The following LRRC49 variants were observed in gnomAD, a reference collection of about 807,000 sequenced individuals.
LRRC49 encodes the protein leucine-rich repeat-containing protein 49.
Under a neutral mutation model 83.3 loss-of-function variants are expected in LRRC49, and 50 were observed. The ratio of observed to expected loss-of-function variants is 0.60; its 90% CI spans 0.48 to 0.76. The LOEUF (loss-of-function observed/expected upper bound fraction) is 0.76. Ranked by LOEUF, LRRC49 falls within the 30% of genes least tolerant of loss-of-function variation. The pLI is 0.00. For missense variants in LRRC49, 704 were observed against 809.1 expected (o/e 0.87, Z 1.58); for synonymous variants, 286 against 283.3 (o/e 1.01, Z -0.10).
intron 11 of LRRC49, among the ~76,000 whole-genome samples, chr15:71,001,409 A>C (rs527450377): frequency 1.8e-4 from 28 of 152,266 alleles, no homozygotes; most frequent in Non-Finnish European, 1.9e-4. Flanking sequence ...ATCCTCCATC[A>C]TACTTACTGT....
chr15:70,867,255 G>C (rs1322954063), intron 1 of LRRC49, among the ~76,000 whole-genome samples: 1 of 152,102 alleles, frequency 6.6e-6, no homozygotes, highest in East Asian at 1.9e-4. Flanking sequence ...GCACCATGAA[G>C]TATCAAAAGA....
intron 11 of LRRC49, among the ~76,000 whole-genome samples, chr15:71,003,279 T>G (rs955749918): frequency 1.3e-5 from 2 of 152,188 alleles, no homozygotes; most frequent in African/African-American, 4.8e-5. Context: ...TTGATGAAAC[T>G]TTGGACTTAA....
chr15:70,962,019 A>G (rs2036618015), intron 8 of LRRC49, among the ~76,000 whole-genome samples: 1 of 152,208 alleles, frequency 6.6e-6, no homozygotes, highest in Admixed American at 6.5e-5. Flanking sequence ...GATCTAAGAA[A>G]CTTCGGAAAT....
At chr15:71,048,163 C>G (rs1233696845) in intron 15 of LRRC49, among the ~76,000 whole-genome samples, 1 of 146,758 alleles carries the variant, frequency 6.8e-6, no homozygotes, top group East Asian at 2.1e-4. Flanking sequence ...ATAGCTTAAA[C>G]TGTAGCCTTG....
At chr15:70,951,559 C>G (rs1016665690) in intron 8 of LRRC49, among the ~76,000 whole-genome samples, 10 of 151,764 alleles carry the variant, frequency 6.6e-5, no homozygotes, top group Non-Finnish European at 1.3e-4. Flanking sequence ...TTTGCTGAGC[C>G]TAGACATTAT....
rs1163164722 is a variant in LRRC49 at position 71,008,543 on chromosome 15, C to G, written c.1334C>G (p.Ser445Cys). ...ACAGCAGGAATGATCACAACAGTCT[C>G]CTTCACTTTCATAGAATTTGATGAA... Reference protein sequence around the residue: ...VQTAGMITTVSFTFIEFDEIV... With the variant: ...VQTAGMITTVCFTFIEFDEIV... Residue 445 changes from serine (S) to cysteine (C), a missense_variant, in exon 12 of 16, where the codon TCC becomes TGC. Ser to Cys is a moderately radical substitution (Grantham distance 112). Transcript: ENST00000260382. 1 of 1,612,562 alleles carries G rather than the reference C, an allele frequency of 6.2e-7. No homozygotes were observed. The highest frequency in any genetic ancestry group is 1.3e-5 in the African/African-American group (1 of 74,864).
intron 1 of LRRC49, among the ~76,000 whole-genome samples, chr15:70,868,651 G>A (rs764989028): frequency 8.5e-5 from 13 of 152,218 alleles, no homozygotes; most frequent in South Asian, 2.1e-4. Context: ...CCACGTTCCC[G>A]GGTGATGCTG....
At chr15:70,942,947 GTTC>G (rs2035875860) in intron 8 of LRRC49, among the ~76,000 whole-genome samples, 1 of 152,114 alleles carries the variant, frequency 6.6e-6, no homozygotes. Flanking sequence ...CTGTTTTAAA[GTTC>G]TTATCTACTA....
intron 8 of LRRC49, among the ~76,000 whole-genome samples, chr15:70,960,791 T>C (rs2036577658): frequency 6.6e-6 from 1 of 152,132 alleles, no homozygotes; most frequent in Non-Finnish European, 1.5e-5. Flanking sequence ...TCAAAATGGA[T>C]CATAGACTTA....
chr15:71,034,299 A>C (rs1194153462), intron 14 of LRRC49, among the ~76,000 whole-genome samples: 1 of 152,162 alleles, frequency 6.6e-6, no homozygotes, highest in Non-Finnish European at 1.5e-5. Flanking sequence ...GACATCACTG[A>C]TTATTAGAGA....
At chr15:71,035,982 C>T (rs567304426) in intron 14 of LRRC49, among the ~76,000 whole-genome samples, 1 of 152,290 alleles carries the variant, frequency 6.6e-6, no homozygotes, top group Non-Finnish European at 1.5e-5. Flanking sequence ...ACTCCTATTC[C>T]TCCACATCCT....
Position 70,921,681 on chromosome 15 carries a change from T to A in LRRC49, c.711+2488T>A, listed in dbSNP as rs116484821. 2.9e-3 allele frequency among the ~76,000 whole-genome samples: 445 copies of A among 152,342 alleles called. 5 individuals are homozygous for A. The highest frequency in any genetic ancestry group is 0.01 in the African/African-American group (434 of 41,584). Reference sequence around the variant, plus strand: ...CTGCAGTTCTCTCTGCTCAGGGTTATCTCAGTAAGATCCCATCAGCTTTTC... The same window carrying A: ...CTGCAGTTCTCTCTGCTCAGGGTTAACTCAGTAAGATCCCATCAGCTTTTC... On this transcript the variant is annotated intron_variant, in intron 7 of 15. Coordinates refer to ENST00000260382, the MANE Select transcript of LRRC49 (RefSeq NM_017691.5).
chr15:70,853,934 G>T, intron 1 of LRRC49: 2 of 1,431,536 alleles, frequency 1.4e-6, no homozygotes, highest in South Asian at 2.8e-5. Flanking sequence ...GCCCCAGCCG[G>T]GGCTGAGGTA....
chr15:70,862,577 C>CAA (rs10623501), intron 1 of LRRC49, among the ~76,000 whole-genome samples: 20,294 of 61,266 alleles, frequency 0.33, 3,691 homozygotes, highest in Non-Finnish European at 0.42. Flanking sequence ...GACTCCGTCT[C>CAA]AAAAAAAAAA....
In LRRC49 at chr15:70,937,077, T is replaced by A. The variant is rs528176609; in HGVS notation, c.773+255T>A. Reference sequence around the variant, plus strand: ...TTTAGAGTTGCTCTTTTGTAAAACATGAGTACATAGAAATTTCAATGTATA... The same window carrying A: ...TTTAGAGTTGCTCTTTTGTAAAACAAGAGTACATAGAAATTTCAATGTATA... On this transcript the variant is annotated intron_variant, in intron 8 of 15. Transcript: ENST00000260382. Among the ~76,000 whole-genome samples, 12 of 152,358 alleles carry A rather than the reference T, an allele frequency of 7.9e-5. No homozygotes were observed. The South Asian group carries it at 2.5e-3, about 32-fold the overall frequency.
intron 1 of LRRC49, among the ~76,000 whole-genome samples, chr15:70,867,175 T>A (rs1437210160): frequency 6.6e-6 from 1 of 151,620 alleles, no homozygotes; most frequent in Non-Finnish European, 1.5e-5. Context: ...CTGTGCTGAG[T>A]CATGTAGGCC....
intron 1 of LRRC49, among the ~76,000 whole-genome samples, chr15:70,854,556 C>T (rs1033059758): frequency 2.6e-5 from 4 of 152,326 alleles, no homozygotes; most frequent in Non-Finnish European, 5.9e-5. Flanking sequence ...GGCTTCCAGG[C>T]CTCCTGCGTG....
chr15:70,885,152 A>G (rs1237306116), intron 2 of LRRC49, among the ~76,000 whole-genome samples: 1 of 152,176 alleles, frequency 6.6e-6, no homozygotes, highest in Non-Finnish European at 1.5e-5. Context: ...TAGAGGCAGA[A>G]TTTCCAGGCA....
chr15:70,890,620 T>C (rs2033529454), upstream of LRRC49, among the ~76,000 whole-genome samples: 1 of 152,188 alleles, frequency 6.6e-6, no homozygotes, highest in Non-Finnish European at 1.5e-5. Flanking sequence ...GAAGTATCTG[T>C]GCTATTGAAT....
Sources: gnomAD v4.1 joint callset for allele counts (sites outside exome capture counted in the v4.1 genomes callset) on GRCh38, gnomAD v4.1.1 for gene constraint, MANE v1.5 for transcripts, NCBI Gene and HGNC (gene_info 2026-07-23, HGNC 2026-07-21) for gene names.